The following MRPL42 variants were observed in gnomAD, a reference collection of about 807,000 sequenced individuals.
MRPL42 encodes the protein mitochondrial ribosomal protein L42.
In MRPL42, 17 loss-of-function variants were observed where a neutral mutation model predicts 17.9. The ratio of observed to expected loss-of-function variants is 0.95; its 90% CI spans 0.65 to 1.42. The LOEUF (loss-of-function observed/expected upper bound fraction) is 1.42. MRPL42 is among the 40% of genes most tolerant of loss of function. The pLI, the probability that MRPL42 is intolerant of heterozygous loss-of-function variation, is 0.00. For synonymous variants in MRPL42, 59 were observed against 54.4 expected (o/e 1.08, Z -0.37); for missense variants, 177 against 175.2 (o/e 1.01, Z -0.06).
At chr12:93,488,859 CTTT>C (rs939714923) in intron 5 of MRPL42, among the ~76,000 whole-genome samples, 3 of 142,360 alleles carry the variant, frequency 2.1e-5, no homozygotes. Context: ...ACTTTTTTTT[CTTT>C]TTTTTTTTTG....
intron 2 of MRPL42, 88 bp downstream of exon 2, chr12:93,469,443 T>A: frequency 2.2e-6 from 2 of 906,090 alleles, no homozygotes; most frequent in Non-Finnish European, 3.3e-6. Context: ...TATATGCCTG[T>A]AATTTGCAGG....
intron 2 of MRPL42, among the ~76,000 whole-genome samples, chr12:93,476,698 T>C (rs150007063): frequency 7.2e-5 from 11 of 152,338 alleles, no homozygotes; most frequent in African/African-American, 2.6e-4. Context: ...GTGTGGCCCA[T>C]CTTTGCCAAT....
Position 93,515,550 on chromosome 12 carries a change from G to A in MRPL42, c.*14329G>A, listed in dbSNP as rs1953771646. 6.6e-6 allele frequency: 1 copy of A among 152,076 alleles called. No homozygotes were observed. The highest frequency in any genetic ancestry group is 1.5e-5 in the Non-Finnish European group (1 of 68,016). The allele number at this position is 152,076 out of a possible 1,614,324, so 9.4% of individuals were successfully genotyped here. ...TTCCCAGGTAATTTTTGTATTTTTAGTATAGATGGAGTTTCGCCATTCTGG... is the reference window on the plus strand; with the variant it reads ...TTCCCAGGTAATTTTTGTATTTTTAATATAGATGGAGTTTCGCCATTCTGG... On this transcript the variant is annotated 3_prime_UTR_variant, in exon 6 of 6. Coordinates refer to ENST00000549982, the MANE Select transcript of MRPL42 (RefSeq NM_014050.4).
Position 93,515,835 on chromosome 12 carries a change from AC to A in MRPL42, c.*14616del. On this transcript the variant is annotated 3_prime_UTR_variant, in exon 6 of 6. Coordinates refer to ENST00000549982, the MANE Select transcript of MRPL42 (RefSeq NM_014050.4). ...CAACATTAAACAAGATGACTCTGAAACCTTAATAAAGTGAGAAAAAACAAGT... is the reference window on the plus strand; with the variant it reads ...CAACATTAAACAAGATGACTCTGAAACTTAATAAAGTGAGAAAAAACAAGT... 1 of 152,216 alleles carries A rather than the reference AC, an allele frequency of 6.6e-6. No individual in the cohort carries two copies. The highest frequency in any genetic ancestry group is 2.1e-4 in the South Asian group (1 of 4,818). 9.4% of individuals were successfully genotyped at this position (152,216 alleles called of 1,614,324 possible). A position where few individuals can be genotyped will look rare whatever the true frequency, so the allele number is the denominator to read the frequency against.
chr12:93,511,269 T>G lies in MRPL42; in HGVS notation c.*10048T>G, dbSNP rs1017592225. 47 of 152,222 alleles carry G rather than the reference T, an allele frequency of 3.1e-4. No homozygotes were observed. Among genetic ancestry groups the G allele is most frequent in the African/African-American group, 1.0e-3 (42 of 41,552 alleles). 9.4% of individuals were successfully genotyped at this position (152,222 alleles called of 1,614,324 possible). On this transcript the variant is annotated 3_prime_UTR_variant, in exon 6 of 6. Transcript: ENST00000549982. Reference sequence around the variant, plus strand: ...CATTTAAATACAGAACATAAAGAGATAAATCCAAAACCAGAAGATCTCTTT... The same window carrying G: ...CATTTAAATACAGAACATAAAGAGAGAAATCCAAAACCAGAAGATCTCTTT...
At chr12:93,469,623 C>A (rs1273312383) in intron 2 of MRPL42, among the ~76,000 whole-genome samples, 1 of 124,086 alleles carries the variant, frequency 8.1e-6, no homozygotes, top group Non-Finnish European at 1.8e-5. Flanking sequence ...ATAGCAAGAC[C>A]CCCACCTCTA....
chr12:93,488,637 G>A (rs1467878737), intron 5 of MRPL42, among the ~76,000 whole-genome samples: 1 of 152,022 alleles, frequency 6.6e-6, no homozygotes, highest in East Asian at 1.9e-4. Context: ...AAACATTGGG[G>A]TACAGAAAAT....
intron 3 of MRPL42, among the ~76,000 whole-genome samples, chr12:93,477,297 C>G (rs539439050): frequency 6.6e-6 from 1 of 152,170 alleles, no homozygotes; most frequent in African/African-American, 2.4e-5. Flanking sequence ...CATGCTTTAG[C>G]TTTTTGGAAA....
Position 93,502,451 on chromosome 12 carries a change from CAA to C in MRPL42, c.*1232_*1233del, listed in dbSNP as rs1380849048. 4 of 151,982 alleles carry C rather than the reference CAA, an allele frequency of 2.6e-5. No individual in the cohort carries two copies. Among genetic ancestry groups the C allele is most frequent in the Non-Finnish European group, 4.4e-5 (3 of 68,002 alleles). 9.4% of individuals were successfully genotyped at this position (151,982 alleles called of 1,614,324 possible). Reference sequence around the variant, plus strand: ...AAAATTGATATGAAAAATAATTTCTCAAAGTCTATTGTTTGATCTAGTTATTT... The same window carrying C: ...AAAATTGATATGAAAAATAATTTCTCAGTCTATTGTTTGATCTAGTTATTT... On this transcript the variant is annotated 3_prime_UTR_variant, in exon 6 of 6. Coordinates refer to ENST00000549982, the MANE Select transcript of MRPL42 (RefSeq NM_014050.4).
At chr12:93,473,217 A>G (rs1028004549) in intron 2 of MRPL42, among the ~76,000 whole-genome samples, 4 of 152,078 alleles carry the variant, frequency 2.6e-5, no homozygotes, top group South Asian at 2.1e-4. Context: ...TGCTACTTCT[A>G]TATCCAGAAT....
In MRPL42 at chr12:93,510,395, T is replaced by C. The variant is rs1223802675; in HGVS notation, c.*9174T>C. The C allele has an allele frequency of 6.6e-6, 1 of 152,218 alleles. No homozygotes were observed. The highest frequency in any genetic ancestry group is 1.5e-5 in the Non-Finnish European group (1 of 68,032). The allele number at this position is 152,218 out of a possible 1,614,324, so 9.4% of individuals were successfully genotyped here. On this transcript the variant is annotated 3_prime_UTR_variant, in exon 6 of 6. Coordinates refer to ENST00000549982, the MANE Select transcript of MRPL42 (RefSeq NM_014050.4). ...AAGTTTTGGCAATTATGAATAAAAT[T>C]GCTATAGATATCCATGTGTAGGTTT...
chr12:93,510,413 G>A lies in MRPL42; in HGVS notation c.*9192G>A, dbSNP rs888389477. ...ATAAAATTGCTATAGATATCCATGT[G>A]TAGGTTTTTGTGTCCATTTAAGCTT... On this transcript the variant is annotated 3_prime_UTR_variant, in exon 6 of 6. Coordinates refer to ENST00000549982, the MANE Select transcript of MRPL42 (RefSeq NM_014050.4). The A allele has an allele frequency of 3.3e-5, 5 of 152,330 alleles. No individual in the cohort carries two copies. The highest frequency in any genetic ancestry group is 3.4e-3 in the Middle Eastern group (1 of 294). 9.4% of individuals were successfully genotyped at this position (152,330 alleles called of 1,614,324 possible). A position where few individuals can be genotyped will look rare whatever the true frequency, so the allele number is the denominator to read the frequency against.
At chr12:93,469,905 G>A (rs572043667) in intron 2 of MRPL42, among the ~76,000 whole-genome samples, 1 of 152,202 alleles carries the variant, frequency 6.6e-6, no homozygotes, top group South Asian at 2.1e-4. Context: ...TTTGGCTGAG[G>A]GCAGGAGTAA....
Position 93,509,201 on chromosome 12 carries a change from A to AAC in MRPL42, c.*7981_*7982insCA, listed in dbSNP as rs1212882357. On this transcript the variant is annotated 3_prime_UTR_variant, in exon 6 of 6. Transcript: ENST00000549982. ...AGATTCCGTCTCAAAAAAAAAAAAA[A>AAC]AACTGCCAAAACGCTTTTTGCAAAG... 5.3e-5 allele frequency: 8 copies of AAC among 151,588 alleles called. No homozygotes were observed. The highest frequency in any genetic ancestry group is 1.9e-4 in the African/African-American group (8 of 41,226). The allele number at this position is 151,588 out of a possible 1,614,324, so 9.4% of individuals were successfully genotyped here. A position where few individuals can be genotyped will look rare whatever the true frequency, so the allele number is the denominator to read the frequency against.
chr12:93,468,097 C>T (rs1366326176), intron 1 of MRPL42, among the ~76,000 whole-genome samples: 1 of 152,106 alleles, frequency 6.6e-6, no homozygotes, highest in African/African-American at 2.4e-5. Flanking sequence ...CCTCTCTGAG[C>T]CTTTGTTCTT....
intron 2 of MRPL42, chr12:93,470,374 C>T: frequency 1.0e-6 from 1 of 1,000,684 alleles, no homozygotes. Flanking sequence ...ATAAACAGCT[C>T]TTATAGGAAG....
At chr12:93,500,140 A>G (rs1032059279) in intron 5 of MRPL42, among the ~76,000 whole-genome samples, 2 of 152,212 alleles carry the variant, frequency 1.3e-5, no homozygotes, top group African/African-American at 4.8e-5. Context: ...ATATCTATAC[A>G]TAAGTTTTGT....
Position 93,505,862 on chromosome 12 carries a change from A to G in MRPL42, c.*4641A>G, listed in dbSNP as rs1300297861. 6.6e-6 allele frequency: 1 copy of G among 151,526 alleles called. No individual in the cohort carries two copies. The highest frequency in any genetic ancestry group is 2.4e-5 in the African/African-American group (1 of 41,218). 9.4% of individuals were successfully genotyped at this position (151,526 alleles called of 1,614,324 possible). A position where few individuals can be genotyped will look rare whatever the true frequency, so the allele number is the denominator to read the frequency against. On this transcript the variant is annotated 3_prime_UTR_variant, in exon 6 of 6. Transcript: ENST00000549982. Reference sequence around the variant, plus strand: ...GATGGAGAAATGGAGGCAGAGTCTCACAATTACATGTGAGAATAGCAAGTA... The same window carrying G: ...GATGGAGAAATGGAGGCAGAGTCTCGCAATTACATGTGAGAATAGCAAGTA...
In MRPL42 at chr12:93,515,432, G is replaced by C. The variant is rs1220722213; in HGVS notation, c.*14211G>C. ...TGCCCAGGCTGGAGTGCAGTGGGGT[G>C]ATCTCGGCTCACTGCAACCTCTGCC... On this transcript the variant is annotated 3_prime_UTR_variant, in exon 6 of 6. Transcript: ENST00000549982. 1 of 150,262 alleles carries C rather than the reference G, an allele frequency of 6.7e-6. No homozygotes were observed. Among genetic ancestry groups the C allele is most frequent in the Non-Finnish European group, 1.5e-5 (1 of 67,864 alleles). 9.3% of individuals were successfully genotyped at this position (150,262 alleles called of 1,614,324 possible). A position where few individuals can be genotyped will look rare whatever the true frequency, so the allele number is the denominator to read the frequency against.
Sources: allele counts gnomAD v4.1 joint callset (sites outside exome capture counted in the v4.1 genomes callset), GRCh38; gene constraint gnomAD v4.1.1; transcripts MANE v1.5; gene names NCBI Gene and HGNC (gene_info 2026-07-23, HGNC 2026-07-21).